Variants in CELSR1 observed in about 807,000 individuals in gnomAD.
CELSR1 encodes adhesion G protein-coupled receptor C1.
A neutral mutation model predicts 249.1 loss-of-function variants in CELSR1; 110 were observed. The ratio of observed to expected loss-of-function variants is 0.44; its 90% CI spans 0.38 to 0.52. The LOEUF is 0.52. Ranked by LOEUF, CELSR1 falls within the 20% of genes least tolerant of loss-of-function variation. The pLI, the probability that CELSR1 is intolerant of heterozygous loss-of-function variation, is 0.00. For synonymous variants in CELSR1, 2,113 were observed against 1,900.0 expected, an observed-to-expected ratio of 1.11 and a Z score of -2.92; for missense variants, 4,109 against 4,296.4, an observed-to-expected ratio of 0.96 and a Z score of 1.22.
At chr22:46,521,573 T>C (rs2080686228) in intron 1 of CELSR1, among the ~76,000 whole-genome samples, 1 of 151,716 alleles carries the variant, frequency 6.6e-6, no homozygotes, top group African/African-American at 2.4e-5. Context: ...CCCAACACTT[T>C]GGGAGGCTTG....
At chr22:46,452,805 G>A (rs1301326937) in intron 2 of CELSR1, among the ~76,000 whole-genome samples, 2 of 152,242 alleles carry the variant, frequency 1.3e-5, no homozygotes, top group African/African-American at 2.4e-5. Context: ...GGGGGACGCA[G>A]ACTTCACGCC....
chr22:46,490,237 G>C lies in CELSR1; in HGVS notation c.3545-25892C>G, dbSNP rs1202404932. On this transcript the variant is annotated intron_variant, in intron 1 of 34. Coordinates refer to ENST00000674500, the MANE Select transcript of CELSR1 (RefSeq NM_001378328.1). This position sits in a 1 kb window ranked among gnomAD's most constrained non-coding sequence, Gnocchi z 5.2. ...CTAATTTCCATCTCATGAGACAGGA[G>C]CCAAAAGAGGGATTCCCCAGGGTCA... Among the ~76,000 whole-genome samples, 1 of 152,204 alleles carries C rather than the reference G, an allele frequency of 6.6e-6. No homozygotes were observed. Among genetic ancestry groups the C allele is most frequent in the Non-Finnish European group, 1.5e-5 (1 of 68,034 alleles).
In CELSR1 at chr22:46,506,751, T is replaced by C. The variant is rs971744944; in HGVS notation, c.3544+26876A>G. Among the ~76,000 whole-genome samples, 2 of 152,116 alleles carry C rather than the reference T, an allele frequency of 1.3e-5. No homozygotes were observed. Among genetic ancestry groups the C allele is most frequent in the Non-Finnish European group, 2.9e-5 (2 of 68,032 alleles). ...TAATTTTAAGATCTCTGTGCCACCA[T>C]CCAAATGTGGACAGATGCTGAGATC... is the stretch of plus-strand genomic sequence containing the variant. On this transcript the variant is annotated intron_variant, in intron 1 of 34. Transcript: ENST00000674500. This position sits in a 1 kb window ranked among gnomAD's most constrained non-coding sequence, Gnocchi z 4.1.
At chr22:46,530,341 A>C (rs1423385657) in intron 1 of CELSR1, 3 of 148,864 alleles carry the variant, frequency 2.0e-5, no homozygotes, top group Non-Finnish European at 4.5e-5. Flanking sequence ...ATTCATTATA[A>C]CATATATTAT....
chr22:46,409,225 G>A lies in CELSR1; in HGVS notation c.5060-63C>T. The A allele has an allele frequency of 6.4e-7, 1 of 1,564,904 alleles. No homozygotes were observed. The highest frequency in any genetic ancestry group is 8.7e-7 in the Non-Finnish European group (1 of 1,148,986). ...AAATCACACGGCCGCGGACTTGGCT[G>A]CAGGGGCGGGGGATGGGCCTGCAGG... is the stretch of plus-strand genomic sequence containing the variant. On this transcript the variant is annotated intron_variant, in intron 8 of 34. Transcript: ENST00000674500. The surrounding 1 kb of genome is among the most constrained non-coding windows in gnomAD (Gnocchi z 9.8).
At chr22:46,418,486 GAATA>G (rs139305673) in intron 5 of CELSR1, among the ~76,000 whole-genome samples, 17,823 of 151,858 alleles carry the variant, frequency 0.12, 1,914 homozygotes, top group African/African-American at 0.29. Context: ...TTCCGCCTCA[GAATA>G]AATAAATAAA....
chr22:46,364,577 G>T lies in CELSR1; in HGVS notation c.8714C>A (p.Pro2905His). The change falls in exon 33 of 35, where the codon CCC (proline) becomes CAC (histidine). Residue 2905 changes from proline (P) to histidine (H), a missense_variant. Around this residue, in one of 7 missense-constraint regions of CELSR1, gnomAD observed 1,805 missense variants for 1,831.6 expected, o/e 0.99. Coordinates refer to ENST00000674500, the MANE Select transcript of CELSR1 (RefSeq NM_001378328.1). ...EEQGSHRGEY[P>H]PDQESGGAAR... Reference sequence around the variant, plus strand: ...TGCGCCCCCGCTCTCCTGGTCCGGGGGGTACTCTCCACGGTGACTGCCCTG... The same window carrying T: ...TGCGCCCCCGCTCTCCTGGTCCGGGTGGTACTCTCCACGGTGACTGCCCTG... The T allele has an allele frequency of 6.2e-7, 1 of 1,612,586 alleles. No homozygotes were observed. The highest frequency in any genetic ancestry group is 8.5e-7 in the Non-Finnish European group (1 of 1,179,904).
chr22:46,535,252 G>A lies in CELSR1; in HGVS notation c.1919C>T (p.Thr640Ile), dbSNP rs1229056426. ...CTCGCGGTCCAGCTCGGCACACACT[G>A]TGATCCAACCGGAGCTGTTGTGGAT... ...FQIHNSSGWI[T>I]VCAELDREEV... Residue 640 changes from threonine to isoleucine, a missense_variant, in exon 1 of 35, where the codon ACA becomes ATA. Thr to Ile is a moderately conservative substitution (Grantham distance 89). This residue lies in a region of CELSR1 where 886 missense variants were observed against 896.5 expected (regional missense o/e 0.99). Transcript: ENST00000674500. 3 of 1,610,024 alleles carry A rather than the reference G, an allele frequency of 1.9e-6. No individual in the cohort carries two copies. Among genetic ancestry groups the A allele is most frequent in the Admixed American group, 1.7e-5 (1 of 60,008 alleles).
rs79592706 is a variant in CELSR1, at chr22:46,390,132, C to T, written c.6345+260G>A. ...CAAATGGAGTCAAATGCAGGGACCC[C>T]GTGTTTTCAGAACCAAAGACACAGA... On this transcript the variant is annotated intron_variant, in intron 17 of 34. Transcript: ENST00000674500. This position sits in a 1 kb window ranked among gnomAD's most constrained non-coding sequence, Gnocchi z 6.3. Among the ~76,000 whole-genome samples the T allele has an allele frequency of 0.014, 2,098 of 152,234 alleles. 52 individuals are homozygous for T. Among genetic ancestry groups the T allele is most frequent in the African/African-American group, 0.048 (2,003 of 41,532 alleles).
At chr22:46,414,029 G>C (rs561849744) in intron 5 of CELSR1, among the ~76,000 whole-genome samples, 24 of 152,250 alleles carry the variant, frequency 1.6e-4, no homozygotes, top group African/African-American at 5.5e-4. Flanking sequence ...GTAATCAATG[G>C]CTCAGAGCTA....
chr22:46,389,554 C>A (rs1331224557), intron 17 of CELSR1, 55 bp from the exon 18 acceptor site: 2 of 1,554,684 alleles, frequency 1.3e-6, no homozygotes, highest in Admixed American at 1.7e-5. Context: ...CGCTTTCAGT[C>A]CCTGCTGTTA....
Position 46,396,742 on chromosome 22 carries a change from G to T in CELSR1, c.5706C>A (p.Tyr1902Ter). ...AGGCATCCACACAGTTTATTCCAAG[G>T]TACCCTGCAAGGACAGAGCCAGCAT... ...EDYSCVCDKG[Y>*]LGINCVDACH... Residue 1902 changes from tyrosine (Y) to a stop codon, truncating the protein, a stop_gained, in exon 13 of 35, where the codon TAC becomes TAA. Transcript: ENST00000674500. LOFTEE classifies it high-confidence loss of function. This position sits in a 1 kb window ranked among gnomAD's most constrained non-coding sequence, Gnocchi z 6.4. 6.2e-7 allele frequency: 1 copy of T among 1,612,212 alleles called. No individual in the cohort carries two copies. The highest frequency in any genetic ancestry group is 8.5e-7 in the Non-Finnish European group (1 of 1,179,222).
Position 46,380,876 on chromosome 22 carries a change from G to C in CELSR1, c.7168C>G (p.Leu2390Val), listed in dbSNP as rs747503159. Residue 2390 changes from leucine to valine, a missense_variant, in exon 22 of 35, where the codon CTG (leucine) becomes GTG (valine). By Grantham distance (32) the Leu-to-Val change is conservative. Coordinates refer to ENST00000674500, the MANE Select transcript of CELSR1 (RefSeq NM_001378328.1). This position sits in a 1 kb window ranked among gnomAD's most constrained non-coding sequence, Gnocchi z 5.1. ...AACTCCACCAGGACGGGCCTCTCCAGGGGTCTCGGGAGCGGAGCCCCCTCG... is the reference window on the plus strand; with the variant it reads ...AACTCCACCAGGACGGGCCTCTCCACGGGTCTCGGGAGCGGAGCCCCCTCG... ...YSEGAPLPRP[L>V]ERPVLVEFAL... is the part of the protein sequence containing the mutation. The C allele has an allele frequency of 6.2e-7, 1 of 1,613,182 alleles. No homozygotes were observed. Among genetic ancestry groups the C allele is most frequent in the Non-Finnish European group, 8.5e-7 (1 of 1,179,922 alleles).
At chr22:46,475,219 G>A (rs1229480985) in intron 1 of CELSR1, among the ~76,000 whole-genome samples, 1 of 152,048 alleles carries the variant, frequency 6.6e-6, no homozygotes, top group Non-Finnish European at 1.5e-5. Context: ...AGATGAGTCA[G>A]GATAAACATT....
rs774017108 is a variant in CELSR1, at chr22:46,534,480, G to A, written c.2691C>T (p.Tyr897=). 1 of 1,613,204 alleles carries A rather than the reference G, an allele frequency of 6.2e-7. No individual in the cohort carries two copies. The highest frequency in any genetic ancestry group is 1.1e-5 in the South Asian group (1 of 91,086). Residue 897 remains tyrosine, a synonymous_variant, in exon 1 of 35, where the codon TAC becomes TAT. Coordinates refer to ENST00000674500, the MANE Select transcript of CELSR1 (RefSeq NM_001378328.1). The surrounding 1 kb of genome is among the most constrained non-coding windows in gnomAD (Gnocchi z 9.7). ...GAGCATCCTCAAAGATGGAACCCTG[G>A]TAGAAATCCCACAGGAACTGGGGTG... is the stretch of plus-strand genomic sequence containing the variant. ...DNAPQFLWDF[Y]QGSIFEDAPP...
At chr22:46,480,301 C>A (rs2080253901) in intron 1 of CELSR1, among the ~76,000 whole-genome samples, 1 of 152,194 alleles carries the variant, frequency 6.6e-6, no homozygotes, top group African/African-American at 2.4e-5. Flanking sequence ...CCCTCACCTC[C>A]CAAGAAGAGG....
intron 2 of CELSR1, among the ~76,000 whole-genome samples, chr22:46,458,876 C>A (rs1377230314): frequency 6.6e-6 from 1 of 151,998 alleles, no homozygotes; most frequent in Admixed American, 6.6e-5. Context: ...AGTACTGTTC[C>A]CAGTTTAGGT....
chr22:46,378,837 A>G (rs1167657686), intron 22 of CELSR1, 120 bp from the exon 23 acceptor site: 1 of 1,294,936 alleles, frequency 7.7e-7, no homozygotes, highest in Non-Finnish European at 1.0e-6. Context: ...ACCAAACAGC[A>G]GGTGCCGTGA....
chr22:46,443,758 T>G (rs1208963193), intron 2 of CELSR1, among the ~76,000 whole-genome samples: 1 of 152,120 alleles, frequency 6.6e-6, no homozygotes, highest in African/African-American at 2.4e-5. Context: ...AGCTGCACAC[T>G]CATATGAGCA....
Sources: allele counts gnomAD v4.1 joint callset (sites outside exome capture counted in the v4.1 genomes callset), GRCh38; gene constraint gnomAD v4.1.1; regional missense constraint gnomAD v4.1.1; non-coding constraint Gnocchi (gnomAD v3.1); transcripts MANE v1.5; gene names NCBI Gene and HGNC (gene_info 2026-07-23, HGNC 2026-07-21).